The following KANSL1L variants were observed in gnomAD, a reference collection of about 807,000 sequenced individuals.
KANSL1L encodes the protein KAT8 regulatory NSL complex subunit 1 like, also known as KAT8 regulatory NSL complex subunit 1-like protein.
In KANSL1L, 25 loss-of-function variants were observed where a neutral mutation model predicts 108.6. The observed-to-expected ratio is 0.23, with a 90% CI of 0.17 to 0.32. The LOEUF (loss-of-function observed/expected upper bound fraction) is 0.32, where lower values mean the gene tolerates loss of function less well. Among genes scored for constraint, KANSL1L ranks in the 10% least tolerant of loss-of-function variants. KANSL1L has a pLI of 1.00. For synonymous variants in KANSL1L, 405 were observed against 395.1 expected (o/e 1.03, Z -0.30); for missense variants, 1,137 against 1,125.7 (o/e 1.01, Z -0.14).
chr2:210,121,371 T>C (rs1228170500), intron 3 of KANSL1L, among the ~76,000 whole-genome samples: 1 of 152,184 alleles, frequency 6.6e-6, no homozygotes, highest in Non-Finnish European at 1.5e-5. Context: ...TGGAGGCCAT[T>C]ATCCTTAGCA....
chr2:210,045,107 G>A (rs1049362610), intron 6 of KANSL1L, among the ~76,000 whole-genome samples: 2 of 152,192 alleles, frequency 1.3e-5, no homozygotes, highest in East Asian at 3.9e-4. Flanking sequence ...CCAAGCTAAG[G>A]TTATTCTTGA....
chr2:210,057,881 G>A (rs374846618), intron 6 of KANSL1L, among the ~76,000 whole-genome samples: 25 of 151,954 alleles, frequency 1.6e-4, no homozygotes, highest in South Asian at 4.2e-4. Flanking sequence ...CGTCATCTTC[G>A]TAAGCTGAGG....
rs183709899 is a variant in KANSL1L, at chr2:210,157,372, G to A, written c.-29-2761C>T. On this transcript the variant is annotated intron_variant, in intron 1 of 14. Transcript: ENST00000281772. ...GCAGGAAAATTCATCTTAGTCTCTGGATAAAGATACGGAAAAGCTAAATAT... is the reference window on the plus strand; with the variant it reads ...GCAGGAAAATTCATCTTAGTCTCTGAATAAAGATACGGAAAAGCTAAATAT... Among the ~76,000 whole-genome samples the A allele has an allele frequency of 6.4e-4, 97 of 152,220 alleles. 1 individual carries two copies. The highest frequency in any genetic ancestry group is 1.3e-4 in the Non-Finnish European group (9 of 68,016).
At chr2:210,104,363 T>G in intron 3 of KANSL1L, 62 bp from the exon 4 acceptor site, 1 of 1,131,972 alleles carries the variant, frequency 8.8e-7, no homozygotes. Flanking sequence ...CCACCTTTAA[T>G]GCTACAATGC....
At chr2:210,042,725 ATTG>A (rs2094178807) in intron 7 of KANSL1L, among the ~76,000 whole-genome samples, 2 of 152,198 alleles carry the variant, frequency 1.3e-5, no homozygotes, top group South Asian at 4.1e-4. Context: ...CTACATTATT[ATTG>A]TTATATGGAT....
At position 210,113,703 on chromosome 2, in the gene KANSL1L, G is replaced by A. The variant is rs557314870; in HGVS notation, c.1231-9402C>T. Reference sequence around the variant, plus strand: ...GAAAAAGTCAAGAAAAAGATGTTATGAACAAAATGCAAACATCAATATGGA... The same window carrying A: ...GAAAAAGTCAAGAAAAAGATGTTATAAACAAAATGCAAACATCAATATGGA... On this transcript the variant is annotated intron_variant, in intron 3 of 14. Transcript: ENST00000281772. Among the ~76,000 whole-genome samples the A allele has an allele frequency of 2.0e-5, 3 of 152,202 alleles. No homozygotes were observed. In the South Asian group the frequency reaches 6.2e-4, roughly 32 times the overall value.
At chr2:210,085,702 A>G (rs1434121219) in intron 5 of KANSL1L, among the ~76,000 whole-genome samples, 1 of 151,926 alleles carries the variant, frequency 6.6e-6, no homozygotes, top group East Asian at 1.9e-4. Context: ...CTATAATTTT[A>G]GTGTCCGCAT....
intron 6 of KANSL1L, among the ~76,000 whole-genome samples, chr2:210,062,312 C>T (rs1235211523): frequency 1.3e-5 from 2 of 152,206 alleles, no homozygotes; most frequent in African/African-American, 4.8e-5. Flanking sequence ...CATCACCAGC[C>T]ACGTGGAACC....
chr2:210,115,774 T>C (rs530205842), intron 3 of KANSL1L, among the ~76,000 whole-genome samples: 64 of 152,312 alleles, frequency 4.2e-4, no homozygotes, highest in Middle Eastern at 6.8e-3. Context: ...CCTTTCCTTC[T>C]ACCAATCACC....
At chr2:210,141,863 A>G (rs112587602) in intron 2 of KANSL1L, among the ~76,000 whole-genome samples, 78 of 152,286 alleles carry the variant, frequency 5.1e-4, no homozygotes, top group African/African-American at 1.8e-3. Context: ...ATTGATTTGT[A>G]TATGTGGAAC....
rs1203200972 is a variant in KANSL1L, at chr2:210,142,809, G to GA, written c.1088+10685dup. 4.6e-5 allele frequency among the ~76,000 whole-genome samples: 7 copies of GA among 151,980 alleles called. No individual in the cohort carries two copies. In the East Asian group the frequency reaches 9.7e-4, roughly 21 times the overall value. On this transcript the variant is annotated intron_variant, in intron 2 of 14. Transcript: ENST00000281772. ...TTCTAATTTCATATGATTTTGGCTG[G>GA]AAAAAATACTTGATATGATTTCAAT...
chr2:210,171,380 G>A lies in KANSL1L; in HGVS notation c.-261C>T. 5.9e-6 allele frequency: 1 copy of A among 170,852 alleles called. No homozygotes were observed. The highest frequency in any genetic ancestry group is 1.2e-5 in the Non-Finnish European group (1 of 82,674). 10.6% of individuals were successfully genotyped at this position (170,852 alleles called of 1,614,324 possible). On this transcript the variant is annotated 5_prime_UTR_variant, in exon 1 of 15. Coordinates refer to ENST00000281772, the MANE Select transcript of KANSL1L (RefSeq NM_152519.4). ...CGCCCGCTGCCCGCAGCTCCGTGCG[G>A]CTCGGGGGGACGGAACCCTGCCGCG... is the stretch of plus-strand genomic sequence containing the variant.
rs372066514 is a variant in KANSL1L at position 210,021,790 on chromosome 2, A to G, written c.*1159T>C. The G allele has an allele frequency of 5.1e-4, 77 of 152,072 alleles. No individual in the cohort carries two copies. Among genetic ancestry groups the G allele is most frequent in the African/African-American group, 1.7e-3 (72 of 41,512 alleles). 9.4% of individuals were successfully genotyped at this position (152,072 alleles called of 1,614,324 possible). On this transcript the variant is annotated 3_prime_UTR_variant, in exon 15 of 15. Transcript: ENST00000281772. ...TTTCACATAGGAAAAAAATGGTTTAATAGCTTCAAAAGGAATTTTCTTTCA... is the reference window on the plus strand; with the variant it reads ...TTTCACATAGGAAAAAAATGGTTTAGTAGCTTCAAAAGGAATTTTCTTTCA...
intron 3 of KANSL1L, among the ~76,000 whole-genome samples, chr2:210,114,166 T>C (rs1426772401): frequency 2.0e-5 from 3 of 152,014 alleles, no homozygotes; most frequent in Non-Finnish European, 4.4e-5. Flanking sequence ...AAAGAAAGAA[T>C]CTTGAAAGCG....
chr2:210,116,239 T>C (rs1463782908), intron 3 of KANSL1L, among the ~76,000 whole-genome samples: 2 of 152,136 alleles, frequency 1.3e-5, no homozygotes, highest in African/African-American at 4.8e-5. Flanking sequence ...GAGGACTTTG[T>C]CTTGTGACTT....
intron 9 of KANSL1L, among the ~76,000 whole-genome samples, chr2:210,030,434 C>T (rs1276939019): frequency 1.3e-5 from 2 of 149,798 alleles, no homozygotes; most frequent in African/African-American, 4.9e-5. Context: ...TGAAATTTCT[C>T]ATATCTCTCA....
intron 2 of KANSL1L, among the ~76,000 whole-genome samples, chr2:210,148,421 A>T (rs1052249086): frequency 2.0e-5 from 3 of 152,160 alleles, no homozygotes; most frequent in Non-Finnish European, 2.9e-5. Flanking sequence ...ACTCACCCAC[A>T]TCCCCTCACA....
chr2:210,025,695 C>A lies in KANSL1L; in HGVS notation c.2452-479G>T, dbSNP rs145585029. Among the ~76,000 whole-genome samples, 49 of 152,232 alleles carry A rather than the reference C, an allele frequency of 3.2e-4. No individual in the cohort carries two copies. In the Middle Eastern group the frequency reaches 0.01, roughly 32 times the overall value. ...CTCCAAATTCCTGTAAAAGGGGAGT[C>A]AAAATTTTTTAAAAATTATTTCATT... On this transcript the variant is annotated intron_variant, in intron 12 of 14. Transcript: ENST00000281772.
intron 6 of KANSL1L, among the ~76,000 whole-genome samples, chr2:210,046,647 C>T (rs1254438559): frequency 6.6e-6 from 1 of 152,090 alleles, no homozygotes; most frequent in African/African-American, 2.4e-5. Flanking sequence ...AGGCTATGGT[C>T]CCATCTCCAC....
Sources: allele counts gnomAD v4.1 joint callset (sites outside exome capture counted in the v4.1 genomes callset), GRCh38; gene constraint gnomAD v4.1.1; transcripts MANE v1.5; gene names NCBI Gene and HGNC (gene_info 2026-07-23, HGNC 2026-07-21).